Variants in LRRK2 observed in about 807,000 individuals in gnomAD.
LRRK2 encodes leucine-rich repeat serine/threonine-protein kinase 2.
LRRK2 carries 203 observed loss-of-function variants against 302.6 expected under a neutral mutation model. The ratio of observed to expected loss-of-function variants is 0.67; its 90% CI spans 0.60 to 0.75. LRRK2 has a LOEUF of 0.75. Among genes scored for constraint, LRRK2 ranks in the 30% least tolerant of loss-of-function variants. The pLI is 0.00. For synonymous variants in LRRK2, 1,066 were observed against 1,031.9 expected, an observed-to-expected ratio of 1.03 and a Z score of -0.63; for missense variants, 2,830 against 2,951.0, an observed-to-expected ratio of 0.96 and a Z score of 0.95.
intron 2 of LRRK2, among the ~76,000 whole-genome samples, chr12:40,226,956 G>C (rs1038685986): frequency 1.6e-4 from 24 of 152,152 alleles, no homozygotes; most frequent in African/African-American, 5.1e-4. Flanking sequence ...GTCAGATCCT[G>C]GGTAGGCGTT....
Position 40,360,105 on chromosome 12 carries a change from T to C in LRRK2, c.7028+661T>C, listed in dbSNP as rs1051633939. 2.6e-5 allele frequency among the ~76,000 whole-genome samples: 4 copies of C among 152,136 alleles called. No homozygotes were observed. In the East Asian group the frequency reaches 5.8e-4, roughly 22 times the overall value. ...CATAAATCATAGTTCAGATATTGCT[T>C]TGCCATCTATTGGTTTTGTGAACTT... On this transcript the variant is annotated intron_variant, in intron 47 of 50. Transcript: ENST00000298910.
Position 40,274,951 on chromosome 12 carries a change from C to T in LRRK2, c.1899C>T (p.Ser633=). ...TGHLLAKILV[S]SLYRFKDVAE... is the part of the protein sequence containing the mutation. ...ATCTGCTGGCAAAAATTCTGGTTTC[C>T]AGCTTATACCGATTTAAGGATGTTG... is the stretch of plus-strand genomic sequence containing the variant. The change falls in exon 16 of 51, where the codon TCC becomes TCT. Residue 633 remains serine, a synonymous_variant. Transcript: ENST00000298910. The T allele has an allele frequency of 6.2e-7, 1 of 1,613,916 alleles. No homozygotes were observed. Among genetic ancestry groups the T allele is most frequent in the Non-Finnish European group, 8.5e-7 (1 of 1,179,920 alleles).
At chr12:40,237,275 A>G (rs1043957941) in intron 4 of LRRK2, among the ~76,000 whole-genome samples, 15 of 152,182 alleles carry the variant, frequency 9.9e-5, no homozygotes, top group Admixed American at 8.5e-4. Flanking sequence ...GATTCCAGCA[A>G]GGGATTTGCA....
chr12:40,320,305 CCTA>C (rs1945361317), intron 34 of LRRK2, 130 bp downstream of exon 34: 2 of 689,360 alleles, frequency 2.9e-6, no homozygotes, highest in Non-Finnish European at 4.8e-6. Flanking sequence ...GTGTAAACCT[CCTA>C]CTGACATGTA....
At chr12:40,359,491 T>G (rs1167200346) in intron 47 of LRRK2, 47 bp downstream of exon 47, 5 of 1,516,298 alleles carry the variant, frequency 3.3e-6, no homozygotes, top group Non-Finnish European at 4.6e-6. Context: ...TATACTTTTG[T>G]TTTTTCCTTA....
intron 47 of LRRK2, among the ~76,000 whole-genome samples, chr12:40,362,124 A>G (rs1006344932): frequency 6.6e-6 from 1 of 152,068 alleles, no homozygotes; most frequent in Non-Finnish European, 1.5e-5. Context: ...GTATTTTATA[A>G]AATACGGAAA....
intron 23 of LRRK2, among the ~76,000 whole-genome samples, chr12:40,297,022 T>C (rs995717930): frequency 2.0e-5 from 3 of 152,140 alleles, no homozygotes; most frequent in Admixed American, 2.0e-4. Context: ...CATTCGGTCA[T>C]CCAATTTGAT....
At chr12:40,356,050 C>A in intron 45 of LRRK2, 65 bp from the exon 46 acceptor site, 1 of 1,034,936 alleles carries the variant, frequency 9.7e-7, no homozygotes, top group Non-Finnish European at 1.5e-6. Flanking sequence ...TGGAGGAGAA[C>A]ATTAAGGCCA....
intron 2 of LRRK2, among the ~76,000 whole-genome samples, chr12:40,226,432 G>T (rs1940887526): frequency 6.6e-6 from 1 of 152,128 alleles, no homozygotes; most frequent in Non-Finnish European, 1.5e-5. Context: ...AAAGAGAATT[G>T]GACTTTGAAC....
At chr12:40,274,754 A>G in intron 15 of LRRK2, 27 bp downstream of exon 15, 5 of 1,613,910 alleles carry the variant, frequency 3.1e-6, no homozygotes, top group Non-Finnish European at 3.4e-6. Flanking sequence ...TTCAGGATTT[A>G]GAATAGATTT....
At chr12:40,252,609 G>A (rs1211941977) in intron 10 of LRRK2, among the ~76,000 whole-genome samples, 1 of 151,870 alleles carries the variant, frequency 6.6e-6, no homozygotes, top group African/African-American at 2.4e-5. Context: ...TTCCTCTCTT[G>A]TTTCCATTCT....
intron 39 of LRRK2, among the ~76,000 whole-genome samples, chr12:40,334,077 C>A (rs1340989773): frequency 6.6e-6 from 1 of 152,096 alleles, no homozygotes; most frequent in Non-Finnish European, 1.5e-5. Context: ...TAAAATTGAG[C>A]ATTATCCTCG....
chr12:40,314,063 T>C lies in LRRK2; in HGVS notation c.4628T>C (p.Ile1543Thr), dbSNP rs1370827084. The C allele has an allele frequency of 6.2e-7, 1 of 1,612,680 alleles. No individual in the cohort carries two copies. The highest frequency in any genetic ancestry group is 1.1e-5 in the South Asian group (1 of 91,052). The change falls in exon 32 of 51, where the codon ATT becomes ACT. Residue 1543 changes from isoleucine (I) to threonine (T), a missense_variant. Ile to Thr is a moderately conservative substitution (Grantham distance 89, BLOSUM62 -1). Around this residue, in one of 3 missense-constraint regions of LRRK2, gnomAD observed 2,121 missense variants for 2,148.0 expected, o/e 0.99. Transcript: ENST00000298910. Reference protein sequence around the residue: ...IILSERKNVPIEFPVIDRKRL... With the variant: ...IILSERKNVPTEFPVIDRKRL... ...TTATCGGAGCGTAAAAATGTGCCAA[T>C]TGAATTTCCCGTAATTGACCGGAAA...
At chr12:40,246,261 T>C (rs1941975610) in intron 7 of LRRK2, among the ~76,000 whole-genome samples, 1 of 151,892 alleles carries the variant, frequency 6.6e-6, no homozygotes, top group South Asian at 2.1e-4. Flanking sequence ...TAAGTCTTTT[T>C]TTTCCTTTTC....
Position 40,278,010 on chromosome 12 carries a change from T to A in LRRK2, c.2064T>A (p.Asp688Glu). 1 of 1,613,820 alleles carries A rather than the reference T, an allele frequency of 6.2e-7. No individual in the cohort carries two copies. Among genetic ancestry groups the A allele is most frequent in the Non-Finnish European group, 8.5e-7 (1 of 1,179,976 alleles). ...QMSSNIMEQK[D>E]QQFLNLCCKC... ...CTTCCAATATCATGGAACAAAAGGA[T>A]CAACAGGTACAGTGTTTTTCACTTG... Residue 688 changes from aspartate (D) to glutamate (E), a missense_variant, in exon 17 of 51, where the codon GAT becomes GAA. Coordinates refer to ENST00000298910, the MANE Select transcript of LRRK2 (RefSeq NM_198578.4).
At chr12:40,271,607 C>T (rs1469904101) in intron 14 of LRRK2, among the ~76,000 whole-genome samples, 1 of 152,092 alleles carries the variant, frequency 6.6e-6, no homozygotes, top group Non-Finnish European at 1.5e-5. Context: ...CAATGCAATA[C>T]ATTACTATTT....
intron 5 of LRRK2, among the ~76,000 whole-genome samples, chr12:40,239,654 G>A (rs1941639394): frequency 6.6e-6 from 1 of 152,032 alleles, no homozygotes; most frequent in Non-Finnish European, 1.5e-5. Flanking sequence ...ACTCAGGGGT[G>A]ACTATAAAGT....
At chr12:40,364,596 C>T (rs1456490192) in intron 48 of LRRK2, among the ~76,000 whole-genome samples, 1 of 151,226 alleles carries the variant, frequency 6.6e-6, no homozygotes, top group African/African-American at 2.4e-5. Context: ...AAATTGTATC[C>T]CTCTTATTCA....
At chr12:40,365,328 G>A (rs555823387) in intron 49 of LRRK2, 13 of 368,656 alleles carry the variant, frequency 3.5e-5, no homozygotes, top group Non-Finnish European at 5.9e-5. Context: ...GCAAAAATGG[G>A]AAATACATGG....
Sources: gnomAD v4.1 joint callset for allele counts (sites outside exome capture counted in the v4.1 genomes callset) on GRCh38, gnomAD v4.1.1 for gene constraint, gnomAD v4.1.1 regional missense constraint, MANE v1.5 for transcripts, NCBI Gene and HGNC (gene_info 2026-07-23, HGNC 2026-07-21) for gene names.